VPS72: variants seen among roughly 807,000 people sequenced by gnomAD.
The protein encoded by VPS72 is vacuolar protein sorting-associated protein 72 homolog.
VPS72 carries 27 observed loss-of-function variants against 38.9 expected under a neutral mutation model. The ratio of observed to expected loss-of-function variants is 0.69; its 90% confidence interval spans 0.51 to 0.96. The LOEUF (loss-of-function observed/expected upper bound fraction) is 0.96. Ranked by LOEUF, VPS72 falls within the 40% of genes least tolerant of loss-of-function variation. The pLI is 0.00. For missense variants in VPS72, 360 were observed against 479.5 expected (o/e 0.75, Z 2.33); for synonymous variants, 173 against 186.3 (o/e 0.93, Z 0.58).
At chr1:151,186,314 T>C (rs991190226) in intron 1 of VPS72, among the ~76,000 whole-genome samples, 2 of 151,892 alleles carry the variant, frequency 1.3e-5, no homozygotes, top group Non-Finnish European at 2.9e-5. Flanking sequence ...ATCCCAGCAC[T>C]TTGGGAGGCC....
Position 151,185,903 on chromosome 1 carries a change from G to A in VPS72, c.165C>T (p.Asp55=), listed in dbSNP as rs756727605. The part of the protein sequence containing the change: ...EYQGDQSDTE[D]EVDSDFDIDE... ...CAATGTCAAAGTCAGAGTCCACTTC[G>A]TCCTCTGTGTCTGACTGGTCCCCTT... The change falls in exon 2 of 6, where the codon GAC becomes GAT. Residue 55 remains aspartate, a synonymous_variant. Coordinates refer to ENST00000368892, the MANE Select transcript of VPS72 (RefSeq NM_005997.3). 19 of 1,614,070 alleles carry A rather than the reference G, an allele frequency of 1.2e-5. No individual in the cohort carries two copies. In the Admixed American group the frequency reaches 1.3e-4, roughly 11 times the overall value.
rs1336967462 is a variant in VPS72 at position 151,178,112 on chromosome 1, T to C, written c.596A>G (p.Lys199Arg). 1 of 1,614,148 alleles carries C rather than the reference T, an allele frequency of 6.2e-7. No individual in the cohort carries two copies. The highest frequency in any genetic ancestry group is 8.5e-7 in the Non-Finnish European group (1 of 1,180,028). Residue 199 changes from lysine (K) to arginine (R), a missense_variant, in exon 5 of 6, where the codon AAG (lysine) becomes AGG (arginine). Lys to Arg is a conservative substitution (Grantham distance 26). Coordinates refer to ENST00000368892, the MANE Select transcript of VPS72 (RefSeq NM_005997.3). ...GCACTTCCGCTTCTTATGAACCTGC[T>C]TCTTTTTATCAGCCTCGAGCCGCTC... ...TYERLEADKK[K>R]QVHKKRKCPG...
At chr1:151,185,358 T>C in intron 3 of VPS72, 148 bp downstream of exon 3, 1 of 719,674 alleles carries the variant, frequency 1.4e-6, no homozygotes, top group Non-Finnish European at 2.5e-6. Context: ...ACTCCTGACC[T>C]CAGGTGATCT....
intron 3 of VPS72, among the ~76,000 whole-genome samples, chr1:151,185,190 G>A (rs1320684635): frequency 6.6e-6 from 1 of 151,798 alleles, no homozygotes; most frequent in Non-Finnish European, 1.5e-5. Flanking sequence ...TGCCCAGGCT[G>A]GAGTGCAATG....
intron 1 of VPS72, among the ~76,000 whole-genome samples, chr1:151,189,279 T>C (rs778783632): frequency 1.4e-4 from 22 of 152,232 alleles, no homozygotes; most frequent in Non-Finnish European, 2.4e-4. Context: ...TGGCATGCTC[T>C]GGGTACTCAA....
chr1:151,188,181 C>T (rs1030761007), intron 1 of VPS72, among the ~76,000 whole-genome samples: 2 of 151,978 alleles, frequency 1.3e-5, no homozygotes, highest in African/African-American at 4.8e-5. Context: ...GAATTACAGG[C>T]ACACGCCACC....
chr1:151,187,699 A>AG (rs1252493629), intron 1 of VPS72, among the ~76,000 whole-genome samples: 1 of 152,200 alleles, frequency 6.6e-6, no homozygotes, highest in African/African-American at 2.4e-5. Flanking sequence ...AGGCTGAAAA[A>AG]GTTTGTGTCT....
Position 151,176,442 on chromosome 1 carries a change from A to T in VPS72, c.*202T>A. 1.2e-6 allele frequency: 1 copy of T among 862,076 alleles called. No individual in the cohort carries two copies. Among genetic ancestry groups the T allele is most frequent in the Admixed American group, 2.9e-5 (1 of 34,704 alleles). 53.4% of individuals were successfully genotyped at this position (862,076 alleles called of 1,614,324 possible). Reference sequence around the variant, plus strand: ...TCAAATACTTCTTGCTCCCAACCCTAGACTGGACACCAGACAAAAGGGATC... The same window carrying T: ...TCAAATACTTCTTGCTCCCAACCCTTGACTGGACACCAGACAAAAGGGATC... On this transcript the variant is annotated 3_prime_UTR_variant, in exon 6 of 6. Transcript: ENST00000368892.
At position 151,190,124 on chromosome 1, in the gene VPS72, C is replaced by A. The variant is rs1181316698; in HGVS notation, c.-3G>T. 6.2e-7 allele frequency: 1 copy of A among 1,612,930 alleles called. No individual in the cohort carries two copies. The highest frequency in any genetic ancestry group is 8.5e-7 in the Non-Finnish European group (1 of 1,180,008). Reference sequence around the variant, plus strand: ...GCCCGGCCCCCAGCCAAACTCATACCGCCTACCGAGACTGCGCCGCCACCT... The same window carrying A: ...GCCCGGCCCCCAGCCAAACTCATACAGCCTACCGAGACTGCGCCGCCACCT... On this transcript the variant is annotated 5_prime_UTR_variant, in exon 1 of 6. Coordinates refer to ENST00000368892, the MANE Select transcript of VPS72 (RefSeq NM_005997.3).
At position 151,183,730 on chromosome 1, in the gene VPS72, G is replaced by A. The variant is rs111726415; in HGVS notation, c.562+587C>T. On this transcript the variant is annotated intron_variant, in intron 4 of 5. Coordinates refer to ENST00000368892, the MANE Select transcript of VPS72 (RefSeq NM_005997.3). Reference sequence around the variant, plus strand: ...ACCCACCTTGGCCTCCCAAAGTGCCGGGATTACAGGTATGAGCCACTGCGC... The same window carrying A: ...ACCCACCTTGGCCTCCCAAAGTGCCAGGATTACAGGTATGAGCCACTGCGC... 4.4e-3 allele frequency among the ~76,000 whole-genome samples: 662 copies of A among 152,134 alleles called. 6 individuals carry two copies. The highest frequency in any genetic ancestry group is 0.015 in the African/African-American group (625 of 41,508).
Position 151,176,983 on chromosome 1 carries a change from A to G in VPS72, c.756T>C (p.Thr252=). 4 of 1,600,046 alleles carry G rather than the reference A, an allele frequency of 2.5e-6. 1 individual carries two copies. The South Asian group carries it at 3.4e-5, about 13-fold the overall frequency. ...AGCGAGCAGGGGGGTTGACGGGTCC[A>G]GTCCCAGCATGAGGAGTCAATGCAG... ...SVSALTPHAG[T]GPVNPPARCS... Residue 252 remains threonine (T), a synonymous_variant, in exon 6 of 6, where the codon ACT becomes ACC. Coordinates refer to ENST00000368892, the MANE Select transcript of VPS72 (RefSeq NM_005997.3).
In VPS72 at chr1:151,187,151, G is replaced by A. The variant is rs188110677; in HGVS notation, c.118-1201C>T. Among the ~76,000 whole-genome samples the A allele has an allele frequency of 3.9e-5, 6 of 152,224 alleles. No homozygotes were observed. The East Asian group carries it at 1.2e-3, about 29-fold the overall frequency. ...GATGGCCTGGAGTAGAGAACGTGAA[G>A]TACAGCCTAGACCTCAGGTGAACTG... On this transcript the variant is annotated intron_variant, in intron 1 of 5. Coordinates refer to ENST00000368892, the MANE Select transcript of VPS72 (RefSeq NM_005997.3).
At chr1:151,188,854 G>A (rs1236208140) in intron 1 of VPS72, among the ~76,000 whole-genome samples, 5 of 151,978 alleles carry the variant, frequency 3.3e-5, no homozygotes, top group East Asian at 1.9e-4. Context: ...TTTTTGAGAC[G>A]GAGTCCTGCT....
At chr1:151,180,431 A>G (rs1684213936) in intron 4 of VPS72, among the ~76,000 whole-genome samples, 1 of 151,068 alleles carries the variant, frequency 6.6e-6, no homozygotes, top group Admixed American at 6.6e-5. Flanking sequence ...CAACGCCTCA[A>G]CCCCTTTACT....
At position 151,177,999 on chromosome 1, in the gene VPS72, AC is replaced by A. The variant is rs753788623; in HGVS notation, c.707+1del. On this transcript the variant is annotated splice_donor_variant, in intron 5 of 5. Transcript: ENST00000368892. LOFTEE classifies it high-confidence loss of function. ...TCTCTTTTCCTCTTGAGATTCACTCACCCTTCTATGTCAACGTTCTCTTCCT... is the reference window on the plus strand; with the variant it reads ...TCTCTTTTCCTCTTGAGATTCACTCACCTTCTATGTCAACGTTCTCTTCCT... 1.2e-6 allele frequency: 2 copies of A among 1,612,866 alleles called. No individual in the cohort carries two copies. Among genetic ancestry groups the A allele is most frequent in the African/African-American group, 1.3e-5 (1 of 74,824 alleles).
At chr1:151,182,670 A>G (rs1403290021) in intron 4 of VPS72, among the ~76,000 whole-genome samples, 2 of 152,072 alleles carry the variant, frequency 1.3e-5, no homozygotes, top group African/African-American at 2.4e-5. Context: ...ACCAAAACCA[A>G]TGGGCACTTC....
In VPS72 at chr1:151,184,456, T is replaced by G; in HGVS notation, c.423A>C (p.Thr141=). 1 of 1,613,872 alleles carries G rather than the reference T, an allele frequency of 6.2e-7. No individual in the cohort carries two copies. The highest frequency in any genetic ancestry group is 8.5e-7 in the Non-Finnish European group (1 of 1,180,036). ...KSMRQSTAEH[T]RQTFLRVQER... is the part of the protein sequence containing the mutation. ...CCTGTACCCGAAGGAACGTTTGTCG[T>G]GTATGCTCAGCTGTAGACTGACGCA... Residue 141 remains threonine (T), a synonymous_variant, in exon 4 of 6, where the codon ACA becomes ACC. Coordinates refer to ENST00000368892, the MANE Select transcript of VPS72 (RefSeq NM_005997.3).
intron 1 of VPS72, among the ~76,000 whole-genome samples, chr1:151,186,413 G>T (rs1050884628): frequency 2.0e-5 from 3 of 152,040 alleles, no homozygotes; most frequent in Admixed American, 6.6e-5. Context: ...ACAAAAATTA[G>T]CTGGGCATGG....
At chr1:151,182,809 C>T (rs1684269025) in intron 4 of VPS72, among the ~76,000 whole-genome samples, 2 of 152,190 alleles carry the variant, frequency 1.3e-5, no homozygotes, top group South Asian at 4.1e-4. Context: ...TTCAAAGCTC[C>T]TCCTCTTGTA....
Sources: gnomAD v4.1 joint callset for allele counts (sites outside exome capture counted in the v4.1 genomes callset) on GRCh38, gnomAD v4.1.1 for gene constraint, MANE v1.5 for transcripts, NCBI Gene and HGNC (gene_info 2026-07-23, HGNC 2026-07-21) for gene names.